SPEF2: variants seen among roughly 807,000 people sequenced by gnomAD.
SPEF2 encodes sperm flagellar and cilia associated 2.
Under a neutral mutation model 224.6 loss-of-function variants are expected in SPEF2, and 187 were observed. The ratio of observed to expected loss-of-function variants is 0.83; its 90% CI spans 0.74 to 0.94. The LOEUF (loss-of-function observed/expected upper bound fraction) is 0.94, where lower values mean the gene tolerates loss of function less well. Among genes scored for constraint, SPEF2 ranks in the 40% least tolerant of loss-of-function variants. The pLI is 0.00. For synonymous variants in SPEF2, 715 were observed against 707.3 expected, an observed-to-expected ratio of 1.01 and a Z score of -0.17; for missense variants, 2,170 against 2,135.6, an observed-to-expected ratio of 1.02 and a Z score of -0.32.
At chr5:35,621,831 T>G (rs1743562660) in intron 1 of SPEF2, among the ~76,000 whole-genome samples, 1 of 152,238 alleles carries the variant, frequency 6.6e-6, no homozygotes, top group Non-Finnish European at 1.5e-5. Flanking sequence ...TTACTTTTTC[T>G]GATCTAGAGG....
In SPEF2 at chr5:35,762,080, A is replaced by T. The variant is rs561253093; in HGVS notation, c.3621-1442A>T. ...ATAATATTAGTAGTAGTATCATAAG[A>T]TTATTCACAATGATAGTAATAACTC... is the stretch of plus-strand genomic sequence containing the variant. On this transcript the variant is annotated intron_variant, in intron 25 of 36. Transcript: ENST00000356031. Among the ~76,000 whole-genome samples, 30 of 152,316 alleles carry T rather than the reference A, an allele frequency of 2.0e-4. 1 individual carries two copies. The highest frequency in any genetic ancestry group is 7.0e-4 in the African/African-American group (29 of 41,572).
intron 32 of SPEF2, 83 bp from the exon 33 acceptor site, chr5:35,795,620 A>T: frequency 8.4e-7 from 1 of 1,196,296 alleles, no homozygotes; most frequent in Non-Finnish European, 1.2e-6. Context: ...TAGAGACAAG[A>T]TTGGCTCAGT....
intron 6 of SPEF2, among the ~76,000 whole-genome samples, 200 bp from the exon 7 acceptor site, chr5:35,654,340 G>A (rs976994683): frequency 8.6e-5 from 13 of 151,876 alleles, no homozygotes; most frequent in Non-Finnish European, 1.6e-4. Context: ...AGAGAATTTA[G>A]AAATGGGGTG....
chr5:35,759,394 T>C (rs1441742713), intron 24 of SPEF2, among the ~76,000 whole-genome samples, 174 bp from the exon 25 acceptor site: 1 of 152,258 alleles, frequency 6.6e-6, no homozygotes, highest in Non-Finnish European at 1.5e-5. Context: ...TAGTTATCTT[T>C]AATTTTAATG....
intron 1 of SPEF2, 137 bp from the exon 2 acceptor site, chr5:35,628,323 G>A: frequency 2.1e-6 from 1 of 466,626 alleles, no homozygotes; most frequent in Non-Finnish European, 3.8e-6. Flanking sequence ...ATTAAAAGAT[G>A]TTTCTAGAAA....
intron 10 of SPEF2, among the ~76,000 whole-genome samples, chr5:35,674,337 C>CTTTTTTTTT (rs35129181): frequency 2.1e-5 from 2 of 94,458 alleles, no homozygotes; most frequent in African/African-American, 4.1e-5. Context: ...TTTTCGTCTT[C>CTTTTTTTTT]TTTTTTTTTT....
intron 23 of SPEF2, among the ~76,000 whole-genome samples, chr5:35,745,215 G>A (rs1319887453): frequency 6.6e-6 from 1 of 152,180 alleles, no homozygotes; most frequent in Non-Finnish European, 1.5e-5. Context: ...GCATCACAGG[G>A]TTCCATTGGG....
chr5:35,636,336 G>A (rs1040525217), intron 2 of SPEF2, among the ~76,000 whole-genome samples: 1 of 152,122 alleles, frequency 6.6e-6, no homozygotes, highest in African/African-American at 2.4e-5. Flanking sequence ...TTTTCCCTTA[G>A]CCTTTACTTC....
intron 10 of SPEF2, among the ~76,000 whole-genome samples, chr5:35,672,053 A>G (rs1274089632): frequency 6.6e-6 from 1 of 151,658 alleles, no homozygotes; most frequent in Non-Finnish European, 1.5e-5. Flanking sequence ...GTAAAAAATA[A>G]ATGTTTCAAC....
intron 21 of SPEF2, among the ~76,000 whole-genome samples, chr5:35,739,612 C>G (rs1481253432): frequency 6.6e-6 from 1 of 152,146 alleles, no homozygotes; most frequent in African/African-American, 2.4e-5. Flanking sequence ...AACTCCTGAC[C>G]TTAGGTGATC....
At chr5:35,644,194 A>G (rs985706113) in intron 3 of SPEF2, among the ~76,000 whole-genome samples, 161 bp from the exon 4 acceptor site, 2 of 152,196 alleles carry the variant, frequency 1.3e-5, no homozygotes, top group African/African-American at 4.8e-5. Flanking sequence ...GCTTACATCA[A>G]TTAAGAATAT....
At chr5:35,804,607 C>A (rs145589089) in intron 34 of SPEF2, among the ~76,000 whole-genome samples, 1 of 152,070 alleles carries the variant, frequency 6.6e-6, no homozygotes, top group African/African-American at 2.4e-5. Context: ...TATACCAACC[C>A]CCTAGAGATC....
intron 23 of SPEF2, among the ~76,000 whole-genome samples, chr5:35,747,485 G>C (rs1748730180): frequency 6.6e-6 from 1 of 152,106 alleles, no homozygotes; most frequent in Non-Finnish European, 1.5e-5. Flanking sequence ...TAAAGGGGTG[G>C]AAAAAGGCAT....
intron 16 of SPEF2, chr5:35,702,381 G>A (rs1475279237): frequency 6.7e-6 from 3 of 450,532 alleles, no homozygotes; most frequent in Non-Finnish European, 1.3e-5. Context: ...AGGGGGAATG[G>A]CCATTGTGAG....
intron 8 of SPEF2, among the ~76,000 whole-genome samples, chr5:35,662,931 C>T (rs1201732941): frequency 6.6e-6 from 1 of 152,068 alleles, no homozygotes; most frequent in Non-Finnish European, 1.5e-5. Context: ...GGAGATGGCA[C>T]ATTCTAAAAG....
Position 35,771,815 on chromosome 5 carries a change from C to T in SPEF2, c.3949+59C>T, listed in dbSNP as rs188057037. ...GCCTAAACCTCTCCTTCGTAGAAAA[C>T]GAGCATTTAACTGGACACATTATTA... On this transcript the variant is annotated intron_variant, in intron 27 of 36. Transcript: ENST00000356031. The T allele has an allele frequency of 2.3e-4, 348 of 1,537,292 alleles. No homozygotes were observed. The African/African-American group carries it at 3.5e-3, about 15-fold the overall frequency.
At position 35,695,265 on chromosome 5, in the gene SPEF2, GTTTT is replaced by G. The variant is rs35696968; in HGVS notation, c.1976-459_1976-456del. ...TATAAACAAACTCTTAAAACTTCTG[GTTTT>G]TTTTTTTTTTCATAGAATTTAACTT... On this transcript the variant is annotated intron_variant, in intron 13 of 36. Transcript: ENST00000356031. Among the ~76,000 whole-genome samples, 1,365 of 143,586 alleles carry G rather than the reference GTTTT, an allele frequency of 9.5e-3. 17 individuals carry two copies. Among genetic ancestry groups the G allele is most frequent in the African/African-American group, 0.033 (1,328 of 40,096 alleles). The allele number at this position is 143,586 out of a possible 152,430, so 94.2% of individuals were successfully genotyped here.
At chr5:35,751,066 T>TATACGTATATATATACGTATATATATAC (rs70973059) in intron 23 of SPEF2, among the ~76,000 whole-genome samples, 7 of 32,538 alleles carry the variant, frequency 2.2e-4, no homozygotes, top group East Asian at 8.0e-4. Context: ...CGTATATATA[T>TATACGTATATATATACGTATATATATAC]GTATATATAT....
At chr5:35,625,406 G>A (rs1277850351) in intron 1 of SPEF2, among the ~76,000 whole-genome samples, 1 of 152,204 alleles carries the variant, frequency 6.6e-6, no homozygotes, top group Non-Finnish European at 1.5e-5. Context: ...CCACACTGAA[G>A]ATGAAGGAAA....
Sources: gnomAD v4.1 joint callset for allele counts (sites outside exome capture counted in the v4.1 genomes callset) on GRCh38, gnomAD v4.1.1 for gene constraint, MANE v1.5 for transcripts, NCBI Gene and HGNC (gene_info 2026-07-23, HGNC 2026-07-21) for gene names.